DNAH11: variants seen among roughly 807,000 people sequenced by gnomAD.
The protein encoded by DNAH11 is dynein axonemal heavy chain 11.
A neutral mutation model predicts 526.0 loss-of-function variants in DNAH11; 442 were observed. The ratio of observed to expected loss-of-function variants is 0.84; its 90% CI spans 0.78 to 0.91. The LOEUF (loss-of-function observed/expected upper bound fraction) is 0.91. Among genes scored for constraint, DNAH11 ranks in the 40% least tolerant of loss-of-function variants. DNAH11 has a pLI of 0.00. For synonymous variants in DNAH11, 2,461 were observed against 1,935.9 expected (o/e 1.27, Z -7.12); for missense variants, 6,989 against 5,448.7 (o/e 1.28, Z -8.90).
intron 63 of DNAH11, among the ~76,000 whole-genome samples, chr7:21,808,308 C>A (rs949678285): frequency 1.3e-5 from 2 of 151,902 alleles, no homozygotes; most frequent in African/African-American, 2.4e-5. Context: ...TAGTTTGATA[C>A]CTGTATACAA....
intron 6 of DNAH11, among the ~76,000 whole-genome samples, chr7:21,567,071 G>A (rs1485738392): frequency 1.3e-5 from 2 of 152,146 alleles, no homozygotes; most frequent in East Asian, 1.9e-4. Flanking sequence ...TCTTTTCATG[G>A]CTCTTGAGCA....
In DNAH11 at chr7:21,894,178, T is replaced by A. The variant is rs564005938; in HGVS notation, c.12751-445T>A. 4.7e-4 allele frequency among the ~76,000 whole-genome samples: 72 copies of A among 152,348 alleles called. 1 individual carries two copies. In the Middle Eastern group the frequency reaches 0.01, roughly 22 times the overall value. The stretch of plus-strand genomic sequence containing the variant: ...TGCTGGGATTACAGGCGTGAGCCAC[T>A]GTGCCCAGCCCCTGGTTTGTGTGGC... On this transcript the variant is annotated intron_variant, in intron 77 of 81. Coordinates refer to ENST00000409508, the MANE Select transcript of DNAH11 (RefSeq NM_001277115.2).
chr7:21,684,576 G>C (rs1029831382), intron 32 of DNAH11, among the ~76,000 whole-genome samples: 3 of 152,196 alleles, frequency 2.0e-5, no homozygotes, highest in Admixed American at 2.0e-4. Context: ...CTTGAGCTGG[G>C]ACCTAAATGA....
At position 21,789,308 on chromosome 7, in the gene DNAH11, C is replaced by T. The variant is rs1332671477; in HGVS notation, c.9992C>T (p.Thr3331Ile). ...AQANLELAAA[T>I]EKLEAIRKKL... ...GCAAACTTAGAACTGGCTGCAGCTACTGAAAAACTAGAGGCTATCAGGAAA... is the reference window on the plus strand; with the variant it reads ...GCAAACTTAGAACTGGCTGCAGCTATTGAAAAACTAGAGGCTATCAGGAAA... The change falls in exon 61 of 82, where the codon ACT becomes ATT. Residue 3331 changes from threonine (T) to isoleucine (I), a missense_variant. Physicochemically the swap from Thr to Ile is moderately conservative, Grantham distance 89. Transcript: ENST00000409508. 15 of 1,575,478 alleles carry T rather than the reference C, an allele frequency of 9.5e-6. No individual in the cohort carries two copies. The highest frequency in any genetic ancestry group is 4.1e-5 in the African/African-American group (3 of 73,978).
chr7:21,600,559 T>A, intron 15 of DNAH11, 117 bp from the exon 16 acceptor site: 1 of 1,198,562 alleles, frequency 8.3e-7, no homozygotes, highest in Non-Finnish European at 1.1e-6. Flanking sequence ...GCAACATGAT[T>A]TTTAATTTTT....
intron 25 of DNAH11, among the ~76,000 whole-genome samples, chr7:21,624,396 G>C (rs1786234172): frequency 6.6e-6 from 1 of 152,142 alleles, no homozygotes; most frequent in East Asian, 1.9e-4. Context: ...GCTGATTTTT[G>C]TGTGTTGGTT....
Position 21,589,202 on chromosome 7 carries a change from C to T in DNAH11, c.1974-6C>T, listed in dbSNP as rs768642577. 1.3e-6 allele frequency: 2 copies of T among 1,587,672 alleles called. No homozygotes were observed. The highest frequency in any genetic ancestry group is 1.2e-5 in the South Asian group (1 of 84,004). On this transcript the variant is annotated splice_region_variant and splice_polypyrimidine_tract_variant and intron_variant, in intron 11 of 81. Transcript: ENST00000409508. ...ATAAACCAGTAGAAAAACCTTATTC[C>T]TACAGATTTTTGGGCAATCCTGATC...
At chr7:21,601,828 G>T (rs776528916) in intron 18 of DNAH11, among the ~76,000 whole-genome samples, 3 of 151,588 alleles carry the variant, frequency 2.0e-5, no homozygotes, top group Admixed American at 6.6e-5. Context: ...CAACACTCTC[G>T]GTGTGTTTTA....
intron 65 of DNAH11, among the ~76,000 whole-genome samples, chr7:21,826,738 C>G (rs1790315638): frequency 6.6e-6 from 1 of 152,168 alleles, no homozygotes; most frequent in African/African-American, 2.4e-5. Context: ...CTGCCACATT[C>G]ACCCGGAATG....
At position 21,600,558 on chromosome 7, in the gene DNAH11, T is replaced by C; in HGVS notation, c.3001-118T>C. The C allele has an allele frequency of 3.4e-6, 4 of 1,183,954 alleles. No individual in the cohort carries two copies. The South Asian group carries it at 9.8e-5, about 29-fold the overall frequency. The allele number at this position is 1,183,954 out of a possible 1,614,324, so 73.3% of individuals were successfully genotyped here. ...AGAGAAGTTGGAAAAAGCAACATGATTTTTAATTTTTCTAACTACTCTCCC... is the reference window on the plus strand; with the variant it reads ...AGAGAAGTTGGAAAAAGCAACATGACTTTTAATTTTTCTAACTACTCTCCC... On this transcript the variant is annotated intron_variant, in intron 15 of 81. Transcript: ENST00000409508.
intron 63 of DNAH11, among the ~76,000 whole-genome samples, chr7:21,809,937 A>T (rs80281474): frequency 0.055 from 8,354 of 152,284 alleles, 287 homozygotes; most frequent in East Asian, 0.18. Flanking sequence ...CAACAAGAAC[A>T]TAAAAATTAA....
At chr7:21,560,072 T>C (rs1301231027) in intron 4 of DNAH11, among the ~76,000 whole-genome samples, 2 of 152,142 alleles carry the variant, frequency 1.3e-5, no homozygotes, top group Non-Finnish European at 2.9e-5. Context: ...GACTGGAAAA[T>C]TTAATTAGTC....
intron 63 of DNAH11, among the ~76,000 whole-genome samples, chr7:21,810,674 A>C (rs1467728921): frequency 6.6e-6 from 1 of 152,202 alleles, no homozygotes; most frequent in African/African-American, 2.4e-5. Flanking sequence ...TAAAGCTTTC[A>C]TCAGAATACT....
At chr7:21,640,089 C>G (rs1787053859) in intron 28 of DNAH11, among the ~76,000 whole-genome samples, 1 of 152,162 alleles carries the variant, frequency 6.6e-6, no homozygotes, top group South Asian at 2.1e-4. Context: ...CTGTTAGTAA[C>G]AGAATTGTTG....
chr7:21,622,704 A>T (rs1441564944), intron 25 of DNAH11, among the ~76,000 whole-genome samples: 2 of 152,206 alleles, frequency 1.3e-5, no homozygotes, highest in East Asian at 3.9e-4. Flanking sequence ...CCTGAGAAAA[A>T]CAAGCAATGG....
intron 4 of DNAH11, 61 bp downstream of exon 4, chr7:21,559,853 C>G: frequency 3.7e-6 from 5 of 1,360,770 alleles, no homozygotes; most frequent in Non-Finnish European, 5.1e-6. Flanking sequence ...GCTGCAATGA[C>G]CAATAGTTTT....
intron 66 of DNAH11, among the ~76,000 whole-genome samples, chr7:21,843,378 G>A (rs989949228): frequency 6.6e-6 from 1 of 151,962 alleles, no homozygotes; most frequent in Non-Finnish European, 1.5e-5. Context: ...CTTCCATAAG[G>A]ACTAGTGAAG....
chr7:21,801,087 T>C (rs759879844), intron 61 of DNAH11, 50 bp from the exon 62 acceptor site: 1 of 1,550,566 alleles, frequency 6.4e-7, no homozygotes, highest in South Asian at 1.2e-5. Flanking sequence ...GATGGTAATC[T>C]CTCTGTTTTA....
chr7:21,616,158 C>T lies in DNAH11; in HGVS notation c.4012-51C>T, dbSNP rs1419134821. ...CAGTTTATATATTTTGCTGCAGAGA[C>T]TTGCTTTCACCAAATGTTGTTGACA... is the stretch of plus-strand genomic sequence containing the variant. On this transcript the variant is annotated intron_variant, in intron 21 of 81. Transcript: ENST00000409508. 1.1e-5 allele frequency: 16 copies of T among 1,411,228 alleles called. No individual in the cohort carries two copies. The Admixed American group carries it at 2.6e-4, about 23-fold the overall frequency. The allele number at this position is 1,411,228 out of a possible 1,614,324, so 87.4% of individuals were successfully genotyped here.
Sources: gnomAD v4.1 joint callset for allele counts (sites outside exome capture counted in the v4.1 genomes callset) on GRCh38, gnomAD v4.1.1 for gene constraint, MANE v1.5 for transcripts, NCBI Gene and HGNC (gene_info 2026-07-23, HGNC 2026-07-21) for gene names.